Variants in SUFU observed in about 807,000 individuals in gnomAD.
The protein encoded by SUFU is suppressor of fused homolog.
Under a neutral mutation model 58.9 loss-of-function variants are expected in SUFU, and 7 were observed. The ratio of observed to expected loss-of-function variants is 0.12; its 90% CI spans 0.07 to 0.22. SUFU has a LOEUF of 0.22. Among genes scored for constraint, SUFU ranks in the 10% least tolerant of loss-of-function variants. SUFU has a pLI of 1.00. For synonymous variants in SUFU, 232 were observed against 254.8 expected (o/e 0.91, Z 0.85); for missense variants, 451 against 641.3 (o/e 0.70, Z 3.20).
chr10:102,523,397 C>T (rs138725130), intron 2 of SUFU, among the ~76,000 whole-genome samples: 250 of 152,292 alleles, frequency 1.6e-3, no homozygotes, highest in Non-Finnish European at 3.1e-3. Context: ...AGGCTGCCCA[C>T]GGCCATGGCT....
Position 102,630,250 on chromosome 10 carries a change from A to C in SUFU, c.*95A>C. 3 of 1,124,434 alleles carry C rather than the reference A, an allele frequency of 2.7e-6. No individual in the cohort carries two copies. Among genetic ancestry groups the C allele is most frequent in the African/African-American group, 1.5e-5 (1 of 65,612 alleles). 69.7% of individuals were successfully genotyped at this position (1,124,434 alleles called of 1,614,324 possible). On this transcript the variant is annotated 3_prime_UTR_variant, in exon 12 of 12. Transcript: ENST00000369902. ...GTGTCAACGAGATCTCCACAAATAA[A>C]AGGACAAGTGTGAGGAAGACTGCGC... is the stretch of plus-strand genomic sequence containing the variant.
intron 3 of SUFU, among the ~76,000 whole-genome samples, chr10:102,577,377 G>T (rs917689847): frequency 2.6e-5 from 4 of 151,456 alleles, no homozygotes; most frequent in African/African-American, 9.7e-5. Flanking sequence ...GGAGTCTCAC[G>T]TCTTACTCTG....
intron 3 of SUFU, among the ~76,000 whole-genome samples, chr10:102,577,220 A>G (rs1020922561): frequency 6.6e-6 from 1 of 151,612 alleles, no homozygotes; most frequent in Non-Finnish European, 1.5e-5. Flanking sequence ...AGTAGCTGGC[A>G]TTATAGGCGT....
At chr10:102,514,772 A>G (rs2062446046) in intron 2 of SUFU, among the ~76,000 whole-genome samples, 1 of 152,180 alleles carries the variant, frequency 6.6e-6, no homozygotes, top group Non-Finnish European at 1.5e-5. Context: ...TCACTCTGTG[A>G]GGATTTCTGG....
At chr10:102,582,529 G>GC (rs1474624943) in intron 3 of SUFU, among the ~76,000 whole-genome samples, 1 of 152,162 alleles carries the variant, frequency 6.6e-6, no homozygotes, top group Non-Finnish European at 1.5e-5. Flanking sequence ...AATTGGAGGA[G>GC]CCAGTAGGAT....
intron 2 of SUFU, among the ~76,000 whole-genome samples, chr10:102,526,508 G>A (rs1234337861): frequency 4.0e-5 from 6 of 151,690 alleles, no homozygotes; most frequent in Admixed American, 6.6e-5. Flanking sequence ...AGCCAAGATC[G>A]TGCCACTGCA....
chr10:102,580,029 A>AACCCCCCCC (rs2063257845), intron 3 of SUFU, among the ~76,000 whole-genome samples: 1 of 84,664 alleles, frequency 1.2e-5, no homozygotes, highest in Non-Finnish European at 2.5e-5. Context: ...CCTCCCCCGC[A>AACCCCCCCC]CCCCCCCCCC....
rs1029907495 is a variant in SUFU at position 102,632,016 on chromosome 10, C to T, written c.*1861C>T. The T allele has an allele frequency of 8.6e-6, 2 of 233,282 alleles. No individual in the cohort carries two copies. Among genetic ancestry groups the T allele is most frequent in the African/African-American group, 4.4e-5 (2 of 45,344 alleles). The allele number at this position is 233,282 out of a possible 1,614,324, so 14.5% of individuals were successfully genotyped here. A position where few individuals can be genotyped will look rare whatever the true frequency, so the allele number is the denominator to read the frequency against. On this transcript the variant is annotated 3_prime_UTR_variant, in exon 12 of 12. Coordinates refer to ENST00000369902, the MANE Select transcript of SUFU (RefSeq NM_016169.4). The stretch of plus-strand genomic sequence containing the variant: ...TGAAGCTCTTGTTTCTGACATTTCA[C>T]AGGCAGAGAGGTGCCATCAGTTCGC...
At chr10:102,558,028 T>G (rs11191337) in intron 3 of SUFU, among the ~76,000 whole-genome samples, 16,112 of 150,834 alleles carry the variant, frequency 0.11, 1,293 homozygotes, top group East Asian at 0.42. Context: ...GCCTCCCGAG[T>G]AGCTGGGACC....
chr10:102,611,281 G>A (rs548466289), intron 8 of SUFU, among the ~76,000 whole-genome samples: 1 of 152,342 alleles, frequency 6.6e-6, no homozygotes, highest in South Asian at 2.1e-4. Flanking sequence ...AGCTCGCTCT[G>A]GGCAACTTGA....
chr10:102,529,737 G>C (rs2062654688), intron 2 of SUFU, among the ~76,000 whole-genome samples: 2 of 151,974 alleles, frequency 1.3e-5, no homozygotes, highest in Non-Finnish European at 2.9e-5. Flanking sequence ...ACAAGATCAA[G>C]AGATCAAGAC....
chr10:102,575,791 A>G (rs920550252), intron 3 of SUFU, among the ~76,000 whole-genome samples: 5 of 152,224 alleles, frequency 3.3e-5, no homozygotes, highest in Admixed American at 6.5e-5. Flanking sequence ...AGAGGGGTCA[A>G]GGAGGAGGAT....
At chr10:102,526,999 T>TG in intron 2 of SUFU, among the ~76,000 whole-genome samples, 1 of 141,250 alleles carries the variant, frequency 7.1e-6, no homozygotes, top group East Asian at 2.0e-4. Context: ...TATTGTTTTT[T>TG]TTTTTTTTTT....
At chr10:102,577,897 G>A (rs1255351206) in intron 3 of SUFU, among the ~76,000 whole-genome samples, 4 of 143,568 alleles carry the variant, frequency 2.8e-5, no homozygotes, top group Admixed American at 2.1e-4. Flanking sequence ...TAGCCAGGAT[G>A]GTCTCCATCT....
At chr10:102,573,247 T>G in intron 3 of SUFU, 1 of 678,942 alleles carries the variant, frequency 1.5e-6, no homozygotes, top group Non-Finnish European at 2.6e-6. Flanking sequence ...GGCCTCCATT[T>G]TAATTAACAC....
chr10:102,509,370 A>G lies in SUFU; in HGVS notation c.317+67A>G, dbSNP rs1163621754. 40 of 1,594,516 alleles carry G rather than the reference A, an allele frequency of 2.5e-5. No individual in the cohort carries two copies. The East Asian group carries it at 8.0e-4, about 32-fold the overall frequency. On this transcript the variant is annotated intron_variant, in intron 2 of 11. Coordinates refer to ENST00000369902, the MANE Select transcript of SUFU (RefSeq NM_016169.4). ...TGAGGTCTTCCTGAGCAGGGGTGAC[A>G]ATGTCATAGTGCTGTGAGCATGGTA...
intron 3 of SUFU, among the ~76,000 whole-genome samples, chr10:102,584,488 TTC>T (rs2063316645): frequency 2.6e-5 from 4 of 152,176 alleles, no homozygotes; most frequent in Admixed American, 1.3e-4. Flanking sequence ...GCCCAGTTTG[TTC>T]TCTCTCAGTC....
intron 2 of SUFU, among the ~76,000 whole-genome samples, chr10:102,535,989 C>CT (rs1235722239): frequency 1.3e-5 from 2 of 151,868 alleles, no homozygotes; most frequent in African/African-American, 4.8e-5. Flanking sequence ...GATTTTAAGA[C>CT]AGAGTCTTGC....
chr10:102,614,909 A>G (rs1334508067), intron 8 of SUFU, among the ~76,000 whole-genome samples: 5 of 151,364 alleles, frequency 3.3e-5, no homozygotes, highest in African/African-American at 1.2e-4. Flanking sequence ...AATGTTGGCC[A>G]AAGATGCAGG....
Sources: allele counts gnomAD v4.1 joint callset (sites outside exome capture counted in the v4.1 genomes callset), GRCh38; gene constraint gnomAD v4.1.1; transcripts MANE v1.5; gene names NCBI Gene and HGNC (gene_info 2026-07-23, HGNC 2026-07-21).